The following GCC2 variants were observed in gnomAD, a reference collection of about 807,000 sequenced individuals.
GCC2 encodes GRIP and coiled-coil domain containing 2.
Under a neutral mutation model 210.6 loss-of-function variants are expected in GCC2, and 120 were observed. The observed-to-expected ratio is 0.57, with a 90% CI of 0.49 to 0.66. GCC2 has a LOEUF of 0.66. Among genes scored for constraint, GCC2 ranks in the 30% least tolerant of loss-of-function variants. GCC2 has a pLI of 0.00. For synonymous variants in GCC2, 703 were observed against 652.7 expected (o/e 1.08, Z -1.17); for missense variants, 1,868 against 1,871.9 (o/e 1.00, Z 0.04).
At chr2:108,505,253 G>A (rs1264896501) in intron 22 of GCC2, among the ~76,000 whole-genome samples, 2 of 152,196 alleles carry the variant, frequency 1.3e-5, no homozygotes, top group African/African-American at 2.4e-5. Flanking sequence ...GTTTACAGTC[G>A]TCTGGTTCTC....
At position 108,456,096 on chromosome 2, in the gene GCC2, T is replaced by C. The variant is rs567934301; in HGVS notation, c.216+3630T>C. ...GCCTTCCAGGTTCACACCATTCTTCTGCCTCAGCGTCCTGAGTAGCTGGGA... is the reference window on the plus strand; with the variant it reads ...GCCTTCCAGGTTCACACCATTCTTCCGCCTCAGCGTCCTGAGTAGCTGGGA... On this transcript the variant is annotated intron_variant, in intron 4 of 22. Coordinates refer to ENST00000309863, the MANE Select transcript of GCC2 (RefSeq NM_181453.4). Among the ~76,000 whole-genome samples, 3 of 152,222 alleles carry C rather than the reference T, an allele frequency of 2.0e-5. No individual in the cohort carries two copies. The South Asian group carries it at 6.2e-4, about 31-fold the overall frequency.
rs368775555 is a variant in GCC2, at chr2:108,449,618, G to A, written c.7-15G>A. On this transcript the variant is annotated splice_polypyrimidine_tract_variant and intron_variant, in intron 1 of 22. Transcript: ENST00000309863. The stretch of plus-strand genomic sequence containing the variant: ...AAGAGTTCTTCTGACACCTGGGTTT[G>A]ATTTTGTTTTGCAGGATCTTGTTCA... 1 of 1,612,508 alleles carries A rather than the reference G, an allele frequency of 6.2e-7. No individual in the cohort carries two copies. Among genetic ancestry groups the A allele is most frequent in the East Asian group, 2.2e-5 (1 of 44,868 alleles).
intron 3 of GCC2, among the ~76,000 whole-genome samples, chr2:108,452,036 G>A (rs1363536153): frequency 6.6e-6 from 1 of 151,878 alleles, no homozygotes; most frequent in Non-Finnish European, 1.5e-5. Context: ...TAGAGACGAG[G>A]TTTCACCATG....
At chr2:108,451,274 C>T (rs539689474) in intron 3 of GCC2, among the ~76,000 whole-genome samples, 162 bp downstream of exon 3, 1 of 152,216 alleles carries the variant, frequency 6.6e-6, no homozygotes, top group East Asian at 1.9e-4. Context: ...AAAAATTTAC[C>T]TCTGATTTCT....
intron 22 of GCC2, among the ~76,000 whole-genome samples, chr2:108,504,195 A>G (rs1683072758): frequency 6.6e-6 from 1 of 152,150 alleles, no homozygotes; most frequent in South Asian, 2.1e-4. Context: ...GTAAGCAATT[A>G]TTTCTTGAAA....
chr2:108,450,460 G>C (rs1445878644), intron 2 of GCC2, among the ~76,000 whole-genome samples: 1 of 152,196 alleles, frequency 6.6e-6, no homozygotes, highest in African/African-American at 2.4e-5. Context: ...TAAATCAAAA[G>C]CTAGCAATGT....
chr2:108,491,287 C>A (rs1682392844), intron 18 of GCC2, among the ~76,000 whole-genome samples: 1 of 152,120 alleles, frequency 6.6e-6, no homozygotes, highest in Non-Finnish European at 1.5e-5. Flanking sequence ...TTGGTAAATT[C>A]ATAAATGTCA....
At chr2:108,498,069 T>G (rs1259535437) in intron 21 of GCC2, among the ~76,000 whole-genome samples, 1 of 152,026 alleles carries the variant, frequency 6.6e-6, no homozygotes, top group Non-Finnish European at 1.5e-5. Flanking sequence ...CATTAAATAC[T>G]TCAGTATGCA....
At chr2:108,488,670 A>C (rs1404443168) in intron 17 of GCC2, among the ~76,000 whole-genome samples, 1 of 152,192 alleles carries the variant, frequency 6.6e-6, no homozygotes. Flanking sequence ...CTTTAAAACT[A>C]GCATACAGAT....
intron 4 of GCC2, among the ~76,000 whole-genome samples, chr2:108,459,609 G>GTC (rs904405517): frequency 6.6e-6 from 1 of 151,596 alleles, no homozygotes; most frequent in Admixed American, 6.6e-5. Context: ...TTGCACTGGA[G>GTC]TCTCTCTCTC....
chr2:108,471,116 AAG>A lies in GCC2; in HGVS notation c.1789_1790del (p.Asp597Ter), dbSNP rs1681191169. On this transcript the variant is annotated frameshift_variant, in exon 6 of 23. Coordinates refer to ENST00000309863, the MANE Select transcript of GCC2 (RefSeq NM_181453.4). LOFTEE classifies it high-confidence loss of function. ...AAGATAAATTCTCTTACTGAGGAAAAAGATGATTTTATAAATAAACTGAAAAA... is the reference window on the plus strand; with the variant it reads ...AAGATAAATTCTCTTACTGAGGAAAAATGATTTTATAAATAAACTGAAAAA... 1 of 1,586,568 alleles carries A rather than the reference AAG, an allele frequency of 6.3e-7. No individual in the cohort carries two copies.
chr2:108,501,893 G>C (rs575196142), intron 22 of GCC2, among the ~76,000 whole-genome samples: 1 of 152,044 alleles, frequency 6.6e-6, no homozygotes, highest in African/African-American at 2.4e-5. Flanking sequence ...TGATGAAGGA[G>C]GAATGTTCTC....
intron 9 of GCC2, among the ~76,000 whole-genome samples, chr2:108,478,713 A>T (rs1452522244): frequency 1.3e-5 from 2 of 152,218 alleles, no homozygotes; most frequent in African/African-American, 4.8e-5. Context: ...TGGCATAGCA[A>T]TTCAGTTTTT....
intron 19 of GCC2, chr2:108,494,934 C>A (rs1682572578): frequency 6.3e-6 from 1 of 158,786 alleles, no homozygotes; most frequent in Admixed American, 6.4e-5. Context: ...GCCTCAGCCT[C>A]CCCAGCAGCT....
chr2:108,479,980 CA>C (rs200934785), intron 9 of GCC2, among the ~76,000 whole-genome samples: 149 of 114,492 alleles, frequency 1.3e-3, no homozygotes, highest in Non-Finnish European at 2.3e-3. Flanking sequence ...GACTCCATCT[CA>C]AAAAAAAAAA....
chr2:108,471,774 T>A lies in GCC2; in HGVS notation c.2445T>A (p.Ile815=). The change falls in exon 6 of 23, where the codon ATT becomes ATA. Residue 815 remains isoleucine, a synonymous_variant. Transcript: ENST00000309863. ...AAGTATTAGAGTTAGAAAAAGAGATTAAGTGCCTTCAAGAAGAGAGTGTAG... is the reference window on the plus strand; with the variant it reads ...AAGTATTAGAGTTAGAAAAAGAGATAAAGTGCCTTCAAGAAGAGAGTGTAG... ...DEKVLELEKE[I]KCLQEESVVQ... is the part of the protein sequence containing the mutation. 6.2e-7 allele frequency: 1 copy of A among 1,613,212 alleles called. No homozygotes were observed. Among genetic ancestry groups the A allele is most frequent in the Non-Finnish European group, 8.5e-7 (1 of 1,179,438 alleles).
chr2:108,470,130 AG>A lies in GCC2; in HGVS notation c.802del (p.Ala268GlnfsTer3), dbSNP rs1250880284. ...QIEASAKEHE[A>X]EINKLNELKE... ...TTGAAGCATCAGCTAAGGAACATGA[AG>A]CAGAGATAAATAAGTTGAACGAGCT... On this transcript the variant is annotated frameshift_variant, in exon 6 of 23. Transcript: ENST00000309863. LOFTEE classifies it high-confidence loss of function. 2 of 1,613,728 alleles carry A rather than the reference AG, an allele frequency of 1.2e-6. No homozygotes were observed. Among genetic ancestry groups the A allele is most frequent in the African/African-American group, 2.7e-5 (2 of 74,924 alleles).
Position 108,457,818 on chromosome 2 carries a change from AC to A in GCC2, c.216+5353del, listed in dbSNP as rs199841972. On this transcript the variant is annotated intron_variant, in intron 4 of 22. Transcript: ENST00000309863. ...TGTTGAATTTGTATCCAGCAACCTT[AC>A]TGAATTTATCAGCTCTAAGAATTTT... Among the ~76,000 whole-genome samples, 145 of 152,292 alleles carry A rather than the reference AC, an allele frequency of 9.5e-4. 3 individuals are homozygous for A. The East Asian group carries it at 0.025, about 27-fold the overall frequency.
At chr2:108,507,290 A>G (rs1423546106) in intron 22 of GCC2, among the ~76,000 whole-genome samples, 5 of 151,022 alleles carry the variant, frequency 3.3e-5, no homozygotes, top group Non-Finnish European at 7.4e-5. Flanking sequence ...GTTGCTTGGG[A>G]GGCTGAGGTG....
Sources: allele counts gnomAD v4.1 joint callset (sites outside exome capture counted in the v4.1 genomes callset), GRCh38; gene constraint gnomAD v4.1.1; transcripts MANE v1.5; gene names NCBI Gene and HGNC (gene_info 2026-07-23, HGNC 2026-07-21).